Variants in KIF1B observed in about 807,000 individuals in gnomAD.
The protein encoded by KIF1B is kinesin family member 1B, also known as kinesin-like protein KIF1B.
Under a neutral mutation model 241.9 loss-of-function variants are expected in KIF1B, and 76 were observed. That is an observed-to-expected ratio of 0.31 (90% CI 0.26 to 0.38). The LOEUF (loss-of-function observed/expected upper bound fraction) is 0.38, where lower values mean the gene tolerates loss of function less well. KIF1B is among the 10% of genes least tolerant of loss of function. KIF1B has a pLI of 1.00. For missense variants in KIF1B, 1,622 were observed against 2,271.4 expected, an observed-to-expected ratio of 0.71 and a Z score of 5.81; for synonymous variants, 750 against 796.7, an observed-to-expected ratio of 0.94 and a Z score of 0.99.
At chr1:10,313,753 T>C (rs1651177540) in intron 22 of KIF1B, among the ~76,000 whole-genome samples, 1 of 150,896 alleles carries the variant, frequency 6.6e-6, no homozygotes, top group Non-Finnish European at 1.5e-5. Flanking sequence ...GGTTTCACCG[T>C]GTTAGCCAGG....
chr1:10,243,100 A>T (rs1647161003), intron 2 of KIF1B, among the ~76,000 whole-genome samples: 1 of 152,138 alleles, frequency 6.6e-6, no homozygotes, highest in Non-Finnish European at 1.5e-5. Context: ...AATAAACTTG[A>T]GGAGGCAAAA....
intron 28 of KIF1B, 138 bp downstream of exon 28, chr1:10,334,776 T>A: frequency 1.4e-6 from 1 of 722,168 alleles, no homozygotes; most frequent in South Asian, 1.5e-5. Context: ...ACACATACTT[T>A]GGAGAAAGCC....
chr1:10,374,996 C>G lies in KIF1B; in HGVS notation c.5239C>G (p.Leu1747Val). 6.2e-7 allele frequency: 1 copy of G among 1,614,182 alleles called. No homozygotes were observed. The highest frequency in any genetic ancestry group is 1.1e-5 in the South Asian group (1 of 91,082). The stretch of plus-strand genomic sequence containing the variant: ...CCCTGTGGAGCGTGGAATCATTAAC[C>G]TGTCCACAGCACAGGTGGAGTACAG... Reference protein sequence around the residue: ...KDPVERGIINLSTAQVEYSED... With the variant: ...KDPVERGIINVSTAQVEYSED... Residue 1747 changes from leucine to valine, a missense_variant, in exon 47 of 49, where the codon CTG (leucine) becomes GTG (valine). Physicochemically the swap from Leu to Val is conservative, Grantham distance 32 (BLOSUM62 1). Coordinates refer to ENST00000676179, the MANE Select transcript of KIF1B (RefSeq NM_001365951.3). The surrounding 1 kb of genome is among the most constrained non-coding windows in gnomAD (Gnocchi z 4.3).
At position 10,256,249 on chromosome 1, in the gene KIF1B, A is replaced by G. The variant is rs779530504; in HGVS notation, c.109A>G (p.Ile37Val). Reference sequence around the variant, plus strand: ...AATGAAACATTTTTATCTTCTAGGTATTATTAACCCAAAGAATCCAAAGGA... The same window carrying G: ...AATGAAACATTTTTATCTTCTAGGTGTTATTAACCCAAAGAATCCAAAGGA... ...IIQMQGNSTSIINPKNPKEAP... is the reference protein window; with the variant it reads ...IIQMQGNSTSVINPKNPKEAP... Residue 37 changes from isoleucine (I) to valine (V), a missense_variant and splice_region_variant, in exon 3 of 49, where the codon ATT becomes GTT. This residue lies in a region of KIF1B where 156 missense variants were observed against 244.8 expected (regional missense o/e 0.64). Coordinates refer to ENST00000676179, the MANE Select transcript of KIF1B (RefSeq NM_001365951.3). 15 of 1,592,710 alleles carry G rather than the reference A, an allele frequency of 9.4e-6. No individual in the cohort carries two copies. The highest frequency in any genetic ancestry group is 3.3e-5 in the Admixed American group (2 of 59,970).
chr1:10,346,370 T>G (rs1652589768), intron 35 of KIF1B, among the ~76,000 whole-genome samples: 2 of 135,140 alleles, frequency 1.5e-5, no homozygotes, highest in African/African-American at 5.5e-5. Context: ...TTTTTTTGTT[T>G]TTTGTTTTTT....
chr1:10,315,176 T>C (rs867448970), intron 22 of KIF1B, among the ~76,000 whole-genome samples: 7 of 141,326 alleles, frequency 5.0e-5, no homozygotes, highest in South Asian at 4.6e-4. Context: ...ATATTCTTTT[T>C]TTTTTTTTTT....
intron 12 of KIF1B, among the ~76,000 whole-genome samples, chr1:10,277,295 GAA>G (rs1649169961): frequency 6.7e-6 from 1 of 150,200 alleles, no homozygotes; most frequent in Non-Finnish European, 1.5e-5. Flanking sequence ...AAAAAAAAAA[GAA>G]AAAAACAATT....
chr1:10,307,702 G>A lies in KIF1B; in HGVS notation c.2115+10456G>A, dbSNP rs995710459. On this transcript the variant is annotated intron_variant, in intron 22 of 48. Coordinates refer to ENST00000676179, the MANE Select transcript of KIF1B (RefSeq NM_001365951.3). The stretch of plus-strand genomic sequence containing the variant: ...ATTTAAACCATTATTATATTGTTGA[G>A]GTATCCCTAGCTATTATTATAGCAA... 7.8e-6 allele frequency: 8 copies of A among 1,024,016 alleles called. No homozygotes were observed. The African/African-American group carries it at 1.4e-4, about 17-fold the overall frequency. 63.4% of individuals were successfully genotyped at this position (1,024,016 alleles called of 1,614,324 possible). A position where few individuals can be genotyped will look rare whatever the true frequency, so the allele number is the denominator to read the frequency against.
At chr1:10,293,081 C>A (rs1650084623) in intron 17 of KIF1B, among the ~76,000 whole-genome samples, 1 of 86,096 alleles carries the variant, frequency 1.2e-5, no homozygotes, top group Non-Finnish European at 2.2e-5. Context: ...ATCCTGGCCA[C>A]ATAACTTTTT....
chr1:10,228,315 T>A (rs1387568167), intron 1 of KIF1B, among the ~76,000 whole-genome samples: 2 of 152,212 alleles, frequency 1.3e-5, no homozygotes, highest in Non-Finnish European at 2.9e-5. Flanking sequence ...GTTTTCAGGA[T>A]AATGCATTTT....
At chr1:10,330,321 T>C (rs1271952355) in intron 27 of KIF1B, among the ~76,000 whole-genome samples, 2 of 152,206 alleles carry the variant, frequency 1.3e-5, no homozygotes, top group Non-Finnish European at 2.9e-5. Context: ...GTCCCTGCCA[T>C]AGAATTACAG....
chr1:10,295,513 TAG>T, intron 18 of KIF1B, 145 bp from the exon 19 acceptor site: 1 of 733,032 alleles, frequency 1.4e-6, no homozygotes, highest in Non-Finnish European at 2.4e-6. Flanking sequence ...TATGTGAGGA[TAG>T]AATTCATAGT....
At chr1:10,221,607 A>G (rs1051709823) in intron 1 of KIF1B, among the ~76,000 whole-genome samples, 14 of 152,196 alleles carry the variant, frequency 9.2e-5, no homozygotes, top group African/African-American at 3.4e-4. Context: ...CATGGAAAGT[A>G]TTGGACTGAG....
Position 10,378,451 on chromosome 1 carries a change from G to C in KIF1B, c.*1864G>C. 1.4e-6 allele frequency: 1 copy of C among 717,738 alleles called. No individual in the cohort carries two copies. Among genetic ancestry groups the C allele is most frequent in the South Asian group, 1.5e-5 (1 of 67,592 alleles). The allele number at this position is 717,738 out of a possible 1,614,324, so 44.5% of individuals were successfully genotyped here. ...AAGAAAGCCTCCAGTGACTTCAGTTGCTTTGCCAGTTGTCTTGGGATTGTT... is the reference window on the plus strand; with the variant it reads ...AAGAAAGCCTCCAGTGACTTCAGTTCCTTTGCCAGTTGTCTTGGGATTGTT... On this transcript the variant is annotated 3_prime_UTR_variant, in exon 49 of 49. Transcript: ENST00000676179.
rs1376680430 is a variant in KIF1B, at chr1:10,371,030, C to T, written c.4825-111C>T. 6 of 1,287,244 alleles carry T rather than the reference C, an allele frequency of 4.7e-6. No individual in the cohort carries two copies. The East Asian group carries it at 1.4e-4, about 30-fold the overall frequency. 79.7% of individuals were successfully genotyped at this position (1,287,244 alleles called of 1,614,324 possible). A position where few individuals can be genotyped will look rare whatever the true frequency, so the allele number is the denominator to read the frequency against. On this transcript the variant is annotated intron_variant, in intron 44 of 48. Coordinates refer to ENST00000676179, the MANE Select transcript of KIF1B (RefSeq NM_001365951.3). The stretch of plus-strand genomic sequence containing the variant: ...TAGGCTTGTTTTCTTAAATGACCTT[C>T]TGAAACAAGATGTATCAAAGTGAGG...
At chr1:10,285,584 C>G (rs1649647279) in intron 15 of KIF1B, among the ~76,000 whole-genome samples, 1 of 152,122 alleles carries the variant, frequency 6.6e-6, no homozygotes. Context: ...TTCTGTTTTC[C>G]CTAGTTTTAT....
chr1:10,234,376 T>A (rs1309187518), intron 2 of KIF1B, among the ~76,000 whole-genome samples: 2 of 151,808 alleles, frequency 1.3e-5, no homozygotes, highest in Non-Finnish European at 2.9e-5. Flanking sequence ...CCTGGCTAAT[T>A]TTTGTGTTTT....
Position 10,258,582 on chromosome 1 carries a change from C to G in KIF1B, c.273C>G (p.Val91=). The change falls in exon 4 of 49, where the codon GTC becomes GTG. Residue 91 remains valine (V), a synonymous_variant. Transcript: ENST00000676179. ...MLLHAFEGYN[V]CIFAYGQTGA... is the part of the protein sequence containing the mutation. ...TACACGCCTTTGAGGGATATAATGT[C>G]TGTATTTTTGCCTATGGGCAGACTG... 1 of 1,614,030 alleles carries G rather than the reference C, an allele frequency of 6.2e-7. No individual in the cohort carries two copies.
In KIF1B at chr1:10,278,228, G is replaced by A. The variant is rs913844098; in HGVS notation, c.1180+100G>A. The A allele has an allele frequency of 4.0e-6, 5 of 1,256,258 alleles. No individual in the cohort carries two copies. In the African/African-American group the frequency reaches 7.5e-5, roughly 19 times the overall value. The allele number at this position is 1,256,258 out of a possible 1,614,324, so 77.8% of individuals were successfully genotyped here. A position where few individuals can be genotyped will look rare whatever the true frequency, so the allele number is the denominator to read the frequency against. ...AAATAAACTTCAAGTTAAGGAGCAT[G>A]ATGAAGCTAAATGGTAGTGAAAATG... is the stretch of plus-strand genomic sequence containing the variant. On this transcript the variant is annotated intron_variant, in intron 13 of 48. Coordinates refer to ENST00000676179, the MANE Select transcript of KIF1B (RefSeq NM_001365951.3).
Sources: allele counts gnomAD v4.1 joint callset (sites outside exome capture counted in the v4.1 genomes callset), GRCh38; gene constraint gnomAD v4.1.1; regional missense constraint gnomAD v4.1.1; non-coding constraint Gnocchi (gnomAD v3.1); transcripts MANE v1.5; gene names NCBI Gene and HGNC (gene_info 2026-07-23, HGNC 2026-07-21).